Variants in TSHZ3 observed in about 807,000 individuals in gnomAD.
TSHZ3 encodes teashirt zinc finger homeobox 3.
A neutral mutation model predicts 64.5 loss-of-function variants in TSHZ3; 10 were observed. That is an observed-to-expected ratio of 0.16 (90% confidence interval 0.10 to 0.26). The LOEUF (loss-of-function observed/expected upper bound fraction) is 0.26. TSHZ3 is among the 10% of genes least tolerant of loss of function. The pLI is 1.00. For synonymous variants in TSHZ3, 608 were observed against 593.1 expected (o/e 1.03, Z -0.36); for missense variants, 1,242 against 1,421.7 (o/e 0.87, Z 2.03).
intron 4 of TSHZ3, among the ~76,000 whole-genome samples, chr19:31,222,530 G>A (rs1309870593): frequency 6.6e-6 from 1 of 152,146 alleles, no homozygotes; most frequent in Non-Finnish European, 1.5e-5. Flanking sequence ...AATCAGAATG[G>A]ATTCCTCCTT....
chr19:31,196,864 G>C (rs1391615381), intron 5 of TSHZ3, among the ~76,000 whole-genome samples: 2 of 151,912 alleles, frequency 1.3e-5, no homozygotes, highest in African/African-American at 4.8e-5. Flanking sequence ...ATTATACTTA[G>C]AGACTTCAAC....
At chr19:31,297,522 G>A (rs1016018475) in intron 1 of TSHZ3, among the ~76,000 whole-genome samples, 3 of 151,976 alleles carry the variant, frequency 2.0e-5, no homozygotes, top group Non-Finnish European at 4.4e-5. Flanking sequence ...CATTGCCCAC[G>A]CAGGAGTACT....
intron 1 of TSHZ3, among the ~76,000 whole-genome samples, chr19:31,339,140 AC>A (rs1470842499): frequency 6.7e-6 from 1 of 148,648 alleles, no homozygotes; most frequent in Admixed American, 6.7e-5. Flanking sequence ...CATTTCTACC[AC>A]CCTTTGCAAG....
chr19:31,253,133 C>A (rs1042700177), intron 1 of TSHZ3, among the ~76,000 whole-genome samples: 1 of 152,224 alleles, frequency 6.6e-6, no homozygotes, highest in East Asian at 1.9e-4. Flanking sequence ...AGGTTATTTG[C>A]GTATTCAGGG....
chr19:31,327,165 C>T (rs1916955590), intron 1 of TSHZ3, among the ~76,000 whole-genome samples: 2 of 152,090 alleles, frequency 1.3e-5, no homozygotes, highest in Non-Finnish European at 2.9e-5. Context: ...GTAAGCCAAA[C>T]CTTCAAAGGA....
intron 3 of TSHZ3, among the ~76,000 whole-genome samples, chr19:31,232,305 T>C (rs1423716210): frequency 6.6e-6 from 1 of 151,942 alleles, no homozygotes; most frequent in African/African-American, 2.4e-5. Context: ...AATGAATAAA[T>C]GAACGCTTTT....
Position 31,276,312 on chromosome 19 carries a change from A to G in TSHZ3, c.*235T>C, listed in dbSNP as rs907698274. ...ATGCTCACAACTAAATCCCGTTTAC[A>G]CAAAGTTCCAAACACTTACCACTGC... On this transcript the variant is annotated 3_prime_UTR_variant, in exon 2 of 2. Transcript: ENST00000240587. The G allele has an allele frequency of 1.1e-5, 4 of 377,542 alleles. No individual in the cohort carries two copies. Among genetic ancestry groups the G allele is most frequent in the East Asian group, 4.0e-5 (1 of 25,098 alleles). 23.4% of individuals were successfully genotyped at this position (377,542 alleles called of 1,614,324 possible).
At chr19:31,254,018 C>T (rs1344879607) in intron 1 of TSHZ3, among the ~76,000 whole-genome samples, 1 of 152,118 alleles carries the variant, frequency 6.6e-6, no homozygotes, top group African/African-American at 2.4e-5. Flanking sequence ...ACACTACTCT[C>T]CTCCCCACCC....
chr19:31,190,405 C>G (rs1455447936), intron 5 of TSHZ3, among the ~76,000 whole-genome samples: 1 of 152,132 alleles, frequency 6.6e-6, no homozygotes, highest in Non-Finnish European at 1.5e-5. Flanking sequence ...AGAGAAACCC[C>G]TCTAAATATT....
In TSHZ3 at chr19:31,227,894, G is replaced by A. The variant is rs895077875; in HGVS notation, n.686+111C>T. On this transcript the variant is annotated intron_variant and non_coding_transcript_variant, in intron 4 of 6. Coordinates refer to the TSHZ3 transcript ENST00000651361. ...TCTTGGACATCTTCCCTTCTCTAGC[G>A]CCATCATGAAATCTTATTGGTTTAT... is the stretch of plus-strand genomic sequence containing the variant. Among the ~76,000 whole-genome samples the A allele has an allele frequency of 1.2e-4, 18 of 152,122 alleles. No individual in the cohort carries two copies. The South Asian group carries it at 2.7e-3, about 23-fold the overall frequency.
At chr19:31,268,557 G>T (rs1345822994) in intron 1 of TSHZ3, among the ~76,000 whole-genome samples, 9 of 152,190 alleles carry the variant, frequency 5.9e-5, no homozygotes, top group African/African-American at 1.2e-4. Flanking sequence ...TGGGGCCCAG[G>T]CCAGGCCACT....
At chr19:31,256,521 G>A (rs1226042971) in intron 1 of TSHZ3, among the ~76,000 whole-genome samples, 1 of 152,188 alleles carries the variant, frequency 6.6e-6, no homozygotes, top group Non-Finnish European at 1.5e-5. Flanking sequence ...ATTCCCCAGG[G>A]CATATGAGGC....
chr19:31,152,791 C>T (rs1974258483), intron 6 of TSHZ3, among the ~76,000 whole-genome samples: 1 of 152,164 alleles, frequency 6.6e-6, no homozygotes, highest in Admixed American at 6.5e-5. Context: ...TTAACAGCAG[C>T]TCCAGGGACC....
intron 5 of TSHZ3, among the ~76,000 whole-genome samples, chr19:31,195,974 A>C (rs1343060982): frequency 6.6e-6 from 1 of 151,988 alleles, no homozygotes; most frequent in East Asian, 1.9e-4. Context: ...CTGTACACCT[A>C]GGCTATTTAT....
At chr19:31,160,440 C>G (rs967433206) in intron 5 of TSHZ3, among the ~76,000 whole-genome samples, 12 of 152,152 alleles carry the variant, frequency 7.9e-5, no homozygotes, top group Admixed American at 1.3e-4. Flanking sequence ...GTATCTAACT[C>G]CCAGCCATAA....
rs547453029 is a variant in TSHZ3, at chr19:31,165,842, A to G, written n.810-9425T>C. On this transcript the variant is annotated intron_variant and non_coding_transcript_variant, in intron 5 of 6. Coordinates refer to the TSHZ3 transcript ENST00000651361. ...TATACTTTTTATTTGTTTGAATTTTATTTGTATTGGTAAAACTGACCTGAA... is the reference window on the plus strand; with the variant it reads ...TATACTTTTTATTTGTTTGAATTTTGTTTGTATTGGTAAAACTGACCTGAA... Among the ~76,000 whole-genome samples the G allele has an allele frequency of 2.0e-4, 30 of 152,326 alleles. 1 individual carries two copies. In the South Asian group the frequency reaches 6.2e-3, roughly 32 times the overall value.
chr19:31,170,223 G>T (rs766265909), intron 5 of TSHZ3, among the ~76,000 whole-genome samples: 1 of 152,098 alleles, frequency 6.6e-6, no homozygotes, highest in Non-Finnish European at 1.5e-5. Flanking sequence ...GATCAGGTTC[G>T]GGTGAGGGCT....
chr19:31,292,756 AT>A (rs1976590745), intron 1 of TSHZ3, among the ~76,000 whole-genome samples: 2 of 151,152 alleles, frequency 1.3e-5, no homozygotes, highest in African/African-American at 2.4e-5. Flanking sequence ...CCATCCATCC[AT>A]CCATCCATCC....
chr19:31,279,119 G>T lies in TSHZ3; in HGVS notation c.674C>A (p.Thr225Asn). ...CATGTGCACCGTCAACTCCACCAGG[G>T]TGTCGTAGGCAGCGCTGCAGTCCTT... The part of the protein sequence containing the change: ...RCKDCSAAYD[T>N]LVELTVHMNE... The change falls in exon 2 of 2, where the codon ACC becomes AAC. Residue 225 changes from threonine to asparagine, a missense_variant. Transcript: ENST00000240587. The surrounding 1 kb of genome is among the most constrained non-coding windows in gnomAD (Gnocchi z 6.4). The T allele has an allele frequency of 6.2e-7, 1 of 1,613,972 alleles. No individual in the cohort carries two copies. Among genetic ancestry groups the T allele is most frequent in the Non-Finnish European group, 8.5e-7 (1 of 1,179,920 alleles).
Sources: allele counts gnomAD v4.1 joint callset (sites outside exome capture counted in the v4.1 genomes callset), GRCh38; gene constraint gnomAD v4.1.1; non-coding constraint Gnocchi (gnomAD v3.1); transcripts MANE v1.5; gene names NCBI Gene and HGNC (gene_info 2026-07-23, HGNC 2026-07-21).